The following THADA variants were observed in gnomAD, a reference collection of about 807,000 sequenced individuals.
The protein encoded by THADA is THADA armadillo repeat containing, also known as tRNA (32-2'-O)-methyltransferase regulator THADA.
Under a neutral mutation model 219.8 loss-of-function variants are expected in THADA, and 213 were observed. The observed-to-expected ratio is 0.97, with a 90% CI of 0.87 to 1.09. THADA has a LOEUF of 1.09. THADA is among the 50% of genes least tolerant of loss of function. The pLI, the probability that THADA is intolerant of heterozygous loss-of-function variation, is 0.00. For synonymous variants in THADA, 1,018 were observed against 828.9 expected (o/e 1.23, Z -3.92); for missense variants, 2,956 against 2,311.3 (o/e 1.28, Z -5.72).
Position 43,342,402 on chromosome 2 carries a change from T to C in THADA, c.4343+1720A>G, listed in dbSNP as rs138085995. ...GCTGGCTCCTTCACCAAAAGGTTTC[T>C]TACAGGAGCTTTCACTGTGTGGCCT... On this transcript the variant is annotated intron_variant, in intron 30 of 37. Coordinates refer to ENST00000405975, the MANE Select transcript of THADA (RefSeq NM_022065.5). 4.3e-4 allele frequency among the ~76,000 whole-genome samples: 66 copies of C among 152,384 alleles called. No homozygotes were observed. The East Asian group carries it at 9.4e-3, about 22-fold the overall frequency.
intron 31 of THADA, among the ~76,000 whole-genome samples, chr2:43,302,969 A>G (rs1003296866): frequency 1.7e-4 from 26 of 152,162 alleles, no homozygotes; most frequent in African/African-American, 4.8e-4. Flanking sequence ...CTAAAAAAAA[A>G]AGACAAATTT....
At chr2:43,346,060 G>A (rs1356368960) in intron 29 of THADA, among the ~76,000 whole-genome samples, 3 of 152,012 alleles carry the variant, frequency 2.0e-5, no homozygotes, top group South Asian at 2.1e-4. Context: ...CTATTTACAC[G>A]AGACAAATGG....
chr2:43,236,419 A>G (rs1356776897), intron 36 of THADA, among the ~76,000 whole-genome samples: 1 of 152,210 alleles, frequency 6.6e-6, no homozygotes, highest in African/African-American at 2.4e-5. Flanking sequence ...CTAGATCTCT[A>G]CTGGCCAAAT....
chr2:43,504,378 T>C (rs1339630008), intron 24 of THADA, among the ~76,000 whole-genome samples: 9 of 152,212 alleles, frequency 5.9e-5, no homozygotes, highest in Non-Finnish European at 1.3e-4. Flanking sequence ...TTCTGGCCCA[T>C]GGGCTCCCTT....
chr2:43,551,466 G>A (rs1696729802), intron 19 of THADA, among the ~76,000 whole-genome samples: 1 of 151,962 alleles, frequency 6.6e-6, no homozygotes, highest in African/African-American at 2.4e-5. Flanking sequence ...TGTTCAAAAA[G>A]TTTCAAAATC....
At chr2:43,507,252 G>C (rs772834452) in intron 23 of THADA, among the ~76,000 whole-genome samples, 1 of 152,160 alleles carries the variant, frequency 6.6e-6, no homozygotes, top group African/African-American at 2.4e-5. Flanking sequence ...CTCCCAAAGA[G>C]CTAGGTAAAG....
At chr2:43,312,968 C>A (rs1242653162) in intron 31 of THADA, among the ~76,000 whole-genome samples, 1 of 152,128 alleles carries the variant, frequency 6.6e-6, no homozygotes, top group Non-Finnish European at 1.5e-5. Flanking sequence ...CCTAATTAGA[C>A]TAAATAATCA....
chr2:43,485,121 G>GT (rs2105012402), intron 26 of THADA, 113 bp downstream of exon 26: 1 of 756,172 alleles, frequency 1.3e-6, no homozygotes, highest in Non-Finnish European at 2.1e-6. Context: ...TATTTTTATA[G>GT]TTTTATGCTC....
At chr2:43,304,039 G>A (rs1254744411) in intron 31 of THADA, among the ~76,000 whole-genome samples, 3 of 152,164 alleles carry the variant, frequency 2.0e-5, no homozygotes, top group Admixed American at 6.5e-5. Context: ...CATGCTGAAT[G>A]TGTGTAATTC....
intron 26 of THADA, among the ~76,000 whole-genome samples, chr2:43,454,939 T>C (rs1682804200): frequency 6.6e-6 from 1 of 151,170 alleles, no homozygotes; most frequent in Non-Finnish European, 1.5e-5. Context: ...GTTTTTTTTT[T>C]CTCTCACTTC....
rs182437155 is a variant in THADA at position 43,522,642 on chromosome 2, A to G, written c.3374+5237T>C. 2.3e-4 allele frequency among the ~76,000 whole-genome samples: 35 copies of G among 152,364 alleles called. No individual in the cohort carries two copies. The East Asian group carries it at 6.2e-3, about 27-fold the overall frequency. On this transcript the variant is annotated intron_variant, in intron 22 of 37. Transcript: ENST00000405975. ...GCTATTGTCTAAATGACAAAGTGTT[A>G]TTATGAAAACTTTTTAAATGAGTGT...
intron 30 of THADA, among the ~76,000 whole-genome samples, chr2:43,332,793 G>A (rs1665941087): frequency 6.6e-6 from 1 of 152,204 alleles, no homozygotes; most frequent in Admixed American, 6.5e-5. Flanking sequence ...AGATTTCTGA[G>A]CCCTCTATTG....
At chr2:43,575,791 G>C (rs902537884) in intron 10 of THADA, among the ~76,000 whole-genome samples, 2 of 152,158 alleles carry the variant, frequency 1.3e-5, no homozygotes, top group Non-Finnish European at 2.9e-5. Flanking sequence ...ACCTGCCTGA[G>C]ATCTGCAAGC....
At chr2:43,558,750 T>G (rs1697701832) in intron 16 of THADA, among the ~76,000 whole-genome samples, 1 of 152,130 alleles carries the variant, frequency 6.6e-6, no homozygotes, top group African/African-American at 2.4e-5. Flanking sequence ...AAACTCTCCT[T>G]TATATATACA....
intron 20 of THADA, among the ~76,000 whole-genome samples, chr2:43,545,817 A>G (rs1264659195): frequency 2.0e-5 from 3 of 152,114 alleles, no homozygotes; most frequent in Non-Finnish European, 4.4e-5. Flanking sequence ...ATCCTTTCAA[A>G]AAACCAGCTC....
At chr2:43,548,686 A>C (rs1322774168) in intron 20 of THADA, among the ~76,000 whole-genome samples, 1 of 151,986 alleles carries the variant, frequency 6.6e-6, no homozygotes, top group Non-Finnish European at 1.5e-5. Flanking sequence ...TGCGGGATAT[A>C]ATCTCCTGGT....
intron 29 of THADA, among the ~76,000 whole-genome samples, chr2:43,388,463 A>T (rs1327803659): frequency 6.6e-6 from 1 of 152,188 alleles, no homozygotes; most frequent in African/African-American, 2.4e-5. Flanking sequence ...ATCTAGGAGG[A>T]TCCTGTATCT....
intron 23 of THADA, among the ~76,000 whole-genome samples, chr2:43,506,651 T>C (rs1689704969): frequency 6.6e-6 from 1 of 152,192 alleles, no homozygotes; most frequent in African/African-American, 2.4e-5. Context: ...AACTAAATAA[T>C]GGTTGTACAC....
chr2:43,231,335 T>G lies in THADA; in HGVS notation c.5475A>C (p.Glu1825Asp), dbSNP rs147386872. 5.0e-4 allele frequency: 778 copies of G among 1,541,950 alleles called. 2 individuals are homozygous for G. In the African/African-American group the frequency reaches 9.9e-3, roughly 20 times the overall value. The change falls in exon 38 of 38, where the codon GAA (glutamate) becomes GAC (aspartate). Residue 1825 changes from glutamate to aspartate, a missense_variant. Coordinates refer to ENST00000405975, the MANE Select transcript of THADA (RefSeq NM_022065.5). Reference sequence around the variant, plus strand: ...CTTCTGCTTTTTCAAACAGGTAGTCTTCTTCCACCTAAATCAGATGAAAAA... The same window carrying G: ...CTTCTGCTTTTTCAAACAGGTAGTCGTCTTCCACCTAAATCAGATGAAAAA... The part of the protein sequence containing the change: ...ACVESMHQVE[E>D]DYLFEKAEVN...
Sources: gnomAD v4.1 joint callset for allele counts (sites outside exome capture counted in the v4.1 genomes callset) on GRCh38, gnomAD v4.1.1 for gene constraint, MANE v1.5 for transcripts, NCBI Gene and HGNC (gene_info 2026-07-23, HGNC 2026-07-21) for gene names.